The following KCNQ1 variants were observed in gnomAD, a reference collection of about 807,000 sequenced individuals.
KCNQ1 encodes potassium voltage-gated channel subfamily KQT member 1.
Under a neutral mutation model 72.4 loss-of-function variants are expected in KCNQ1, and 49 were observed. That is an observed-to-expected ratio of 0.68 (90% CI 0.54 to 0.86). The LOEUF is 0.86. Among genes scored for constraint, KCNQ1 ranks in the 40% least tolerant of loss-of-function variants. The pLI is 0.00. For synonymous variants in KCNQ1, 450 were observed against 412.6 expected (o/e 1.09, Z -1.10); for missense variants, 790 against 945.1 (o/e 0.84, Z 2.15).
At position 2,471,659 on chromosome 11, in the gene KCNQ1, T is replaced by C. The variant is rs993411841; in HGVS notation, c.386+26175T>C. ...GGATGTGTGTACACATGTGTATGGG[T>C]GTGTGCATGGGTGTGCACATGTGTA... On this transcript the variant is annotated intron_variant, in intron 1 of 15. Coordinates refer to ENST00000155840, the MANE Select transcript of KCNQ1 (RefSeq NM_000218.3). The surrounding 1 kb of genome is among the most constrained non-coding windows in gnomAD (Gnocchi z 4.8). Among the ~76,000 whole-genome samples, 4 of 151,378 alleles carry C rather than the reference T, an allele frequency of 2.6e-5. No homozygotes were observed. Among genetic ancestry groups the C allele is most frequent in the East Asian group, 2.0e-4 (1 of 5,126 alleles).
chr11:2,718,857 T>C (rs893918962), intron 11 of KCNQ1, among the ~76,000 whole-genome samples: 1 of 152,210 alleles, frequency 6.6e-6, no homozygotes, highest in Admixed American at 6.5e-5. Context: ...TCCCGGGTCA[T>C]TACTGGGCCT....
intron 10 of KCNQ1, chr11:2,610,032 A>AAAC (rs1848953376): frequency 2.5e-6 from 1 of 397,782 alleles, no homozygotes; most frequent in Non-Finnish European, 4.4e-6. Flanking sequence ...ATATAATTAG[A>AAAC]TTTATATCCA....
At position 2,685,224 on chromosome 11, in the gene KCNQ1, C is replaced by G. The variant is rs1484958493; in HGVS notation, c.1514+23143C>G. 7 of 398,560 alleles carry G rather than the reference C, an allele frequency of 1.8e-5. No homozygotes were observed. In the East Asian group the frequency reaches 2.5e-4, roughly 14 times the overall value. The allele number at this position is 398,560 out of a possible 1,614,324, so 24.7% of individuals were successfully genotyped here. Reference sequence around the variant, plus strand: ...GGCTGGCACAGCTCACACACGGAGGCACTACTTCAGTCCTCCCATTACCAA... The same window carrying G: ...GGCTGGCACAGCTCACACACGGAGGGACTACTTCAGTCCTCCCATTACCAA... On this transcript the variant is annotated intron_variant, in intron 11 of 15. Transcript: ENST00000155840.
At chr11:2,517,763 C>T (rs1847312519) in intron 1 of KCNQ1, among the ~76,000 whole-genome samples, 2 of 152,184 alleles carry the variant, frequency 1.3e-5, no homozygotes, top group Admixed American at 1.3e-4. Context: ...CTCACACCTG[C>T]CTGCTGGGGG....
At position 2,769,253 on chromosome 11, in the gene KCNQ1, G is replaced by A. The variant is rs978286532; in HGVS notation, c.1590+334G>A. Among the ~76,000 whole-genome samples, 1 of 152,166 alleles carries A rather than the reference G, an allele frequency of 6.6e-6. No homozygotes were observed. Among genetic ancestry groups the A allele is most frequent in the Admixed American group, 6.5e-5 (1 of 15,284 alleles). ...AGGCAGCATTAGTGAGAGATGTGAGGGTGACATCAGAATGACTCAGAGATG... is the reference window on the plus strand; with the variant it reads ...AGGCAGCATTAGTGAGAGATGTGAGAGTGACATCAGAATGACTCAGAGATG... On this transcript the variant is annotated intron_variant, in intron 12 of 15. Transcript: ENST00000155840. The surrounding 1 kb of genome is among the most constrained non-coding windows in gnomAD (Gnocchi z 4.6).
At chr11:2,485,784 G>A (rs937807363) in intron 1 of KCNQ1, among the ~76,000 whole-genome samples, 5 of 152,138 alleles carry the variant, frequency 3.3e-5, no homozygotes, top group Admixed American at 3.3e-4. Flanking sequence ...GGATCATTGA[G>A]TACTCTATTT....
At chr11:2,649,625 CATTCA>C (rs1849727114) in intron 10 of KCNQ1, 1 of 398,580 alleles carries the variant, frequency 2.5e-6, no homozygotes, top group Non-Finnish European at 4.4e-6. Flanking sequence ...TTTAATATGG[CATTCA>C]ATTCTTTCCT....
intron 6 of KCNQ1, among the ~76,000 whole-genome samples, chr11:2,576,481 G>A (rs893956444): frequency 2.6e-5 from 4 of 152,232 alleles, no homozygotes; most frequent in African/African-American, 7.2e-5. Context: ...GGGCTTCTCT[G>A]TTCAGCGCCC....
At chr11:2,831,251 C>T (rs1847942580) in intron 15 of KCNQ1, among the ~76,000 whole-genome samples, 1 of 152,198 alleles carries the variant, frequency 6.6e-6, no homozygotes, top group African/African-American at 2.4e-5. Flanking sequence ...GGCACCTCAG[C>T]AGACGTGATG....
rs77916733 is a variant in KCNQ1, at chr11:2,768,813, C to T, written c.1515-31C>T. ...GGGGATGACCAGCACAGGGTGGCCA[C>T]TCACAATCTCCTCTCCTCTCTCCAC... is the stretch of plus-strand genomic sequence containing the variant. On this transcript the variant is annotated intron_variant, in intron 11 of 15. Coordinates refer to ENST00000155840, the MANE Select transcript of KCNQ1 (RefSeq NM_000218.3). This position sits in a 1 kb window ranked among gnomAD's most constrained non-coding sequence, Gnocchi z 6.7. The T allele has an allele frequency of 5.1e-5, 81 of 1,598,036 alleles. No homozygotes were observed. Among genetic ancestry groups the T allele is most frequent in the Middle Eastern group, 3.3e-4 (2 of 6,056 alleles).
In KCNQ1 at chr11:2,787,303, G is replaced by C. The variant is rs540317299; in HGVS notation, c.1794+9266G>C. On this transcript the variant is annotated intron_variant, in intron 15 of 15. Transcript: ENST00000155840. The surrounding 1 kb of genome is among the most constrained non-coding windows in gnomAD (Gnocchi z 6.3). ...TCACAATGAAAGCAGAGCCCTTTGA[G>C]GGTCCCAGCTTTGTGTAAGTCTCTG... Among the ~76,000 whole-genome samples, 17 of 152,280 alleles carry C rather than the reference G, an allele frequency of 1.1e-4. No homozygotes were observed. Among genetic ancestry groups the C allele is most frequent in the African/African-American group, 4.1e-4 (17 of 41,556 alleles).
In KCNQ1 at chr11:2,657,141, G is replaced by A. The variant is rs950655113; in HGVS notation, c.1394-4820G>A. ...TGACCACTGCCTTGGAAGAAGTACTGATGTTTGGTACAGCAAGTTCTCCCA... is the reference window on the plus strand; with the variant it reads ...TGACCACTGCCTTGGAAGAAGTACTAATGTTTGGTACAGCAAGTTCTCCCA... On this transcript the variant is annotated intron_variant, in intron 10 of 15. Transcript: ENST00000155840. This position sits in a 1 kb window ranked among gnomAD's most constrained non-coding sequence, Gnocchi z 4.8. 32 of 398,476 alleles carry A rather than the reference G, an allele frequency of 8.0e-5. No individual in the cohort carries two copies. Among genetic ancestry groups the A allele is most frequent in the African/African-American group, 6.2e-4 (30 of 48,620 alleles). 24.7% of individuals were successfully genotyped at this position (398,476 alleles called of 1,614,324 possible).
At chr11:2,644,081 C>T (rs1849625607) in intron 10 of KCNQ1, 1 of 398,380 alleles carries the variant, frequency 2.5e-6, no homozygotes, top group Admixed American at 4.4e-5. Context: ...TGGAAAAGAC[C>T]TTTCTGAATT....
intron 2 of KCNQ1, among the ~76,000 whole-genome samples, chr11:2,533,534 G>A (rs1420919423): frequency 6.6e-6 from 1 of 152,280 alleles, no homozygotes; most frequent in Admixed American, 6.5e-5. Flanking sequence ...CTGTGGAAGT[G>A]GCACACGTGT....
intron 10 of KCNQ1, among the ~76,000 whole-genome samples, chr11:2,597,433 A>G (rs936910356): frequency 6.6e-6 from 1 of 152,210 alleles, no homozygotes; most frequent in African/African-American, 2.4e-5. Context: ...CGACATACCC[A>G]TCAGTGGAGG....
rs1849867369 is a variant in KCNQ1 at position 2,657,329 on chromosome 11, T to C, written c.1394-4632T>C. On this transcript the variant is annotated intron_variant, in intron 10 of 15. Transcript: ENST00000155840. The surrounding 1 kb of genome is among the most constrained non-coding windows in gnomAD (Gnocchi z 4.8). ...AGATAATCTTTTCAGTATTGAGTCT[T>C]CTAGTCATTGGAATGAAGGCATATT... The C allele has an allele frequency of 2.5e-6, 1 of 398,530 alleles. No homozygotes were observed. Among genetic ancestry groups the C allele is most frequent in the Admixed American group, 4.4e-5 (1 of 22,720 alleles). The allele number at this position is 398,530 out of a possible 1,614,324, so 24.7% of individuals were successfully genotyped here. A position where few individuals can be genotyped will look rare whatever the true frequency, so the allele number is the denominator to read the frequency against.
chr11:2,670,626 A>G lies in KCNQ1; in HGVS notation c.1514+8545A>G. ...ACACAATCTCTGGGGGAGCCTGGATATGCATGGCAGAGGCCAGGATGAACC... is the reference window on the plus strand; with the variant it reads ...ACACAATCTCTGGGGGAGCCTGGATGTGCATGGCAGAGGCCAGGATGAACC... On this transcript the variant is annotated intron_variant, in intron 11 of 15. Coordinates refer to ENST00000155840, the MANE Select transcript of KCNQ1 (RefSeq NM_000218.3). This position sits in a 1 kb window ranked among gnomAD's most constrained non-coding sequence, Gnocchi z 4.9. The G allele has an allele frequency of 2.5e-6, 1 of 398,568 alleles. No individual in the cohort carries two copies. The highest frequency in any genetic ancestry group is 4.4e-5 in the Admixed American group (1 of 22,728). The allele number at this position is 398,568 out of a possible 1,614,324, so 24.7% of individuals were successfully genotyped here.
At chr11:2,701,600 G>C (rs1850816687) in intron 11 of KCNQ1, among the ~76,000 whole-genome samples, 1 of 152,194 alleles carries the variant, frequency 6.6e-6, no homozygotes, top group Admixed American at 6.5e-5. Context: ...TACTATCTTT[G>C]AACTTGTGTT....
intron 11 of KCNQ1, chr11:2,699,858 G>A (rs1850762751): frequency 5.0e-6 from 2 of 397,858 alleles, no homozygotes; most frequent in Non-Finnish European, 8.9e-6. Context: ...GGGCGCACCG[G>A]GAGAATCGTG....
Sources: allele counts gnomAD v4.1 joint callset (sites outside exome capture counted in the v4.1 genomes callset), GRCh38; gene constraint gnomAD v4.1.1; non-coding constraint Gnocchi (gnomAD v3.1); transcripts MANE v1.5; gene names NCBI Gene and HGNC (gene_info 2026-07-23, HGNC 2026-07-21).